CSMD3: variants seen among roughly 807,000 people sequenced by gnomAD.
The protein encoded by CSMD3 is CUB and Sushi multiple domains 3, also known as CUB and sushi domain-containing protein 3.
Under a neutral mutation model 435.2 loss-of-function variants are expected in CSMD3, and 177 were observed. That is an observed-to-expected ratio of 0.41 (90% CI 0.36 to 0.46). CSMD3 has a LOEUF of 0.46. Ranked by LOEUF, CSMD3 falls within the 20% of genes least tolerant of loss-of-function variation. The probability of loss-of-function intolerance (pLI) is 0.34; values close to 1 mark genes in which losing one functional copy is unlikely to be tolerated. For missense variants in CSMD3, 4,265 were observed against 4,504.6 expected (o/e 0.95, Z 1.52); for synonymous variants, 1,656 against 1,520.5 (o/e 1.09, Z -2.07).
intron 3 of CSMD3, among the ~76,000 whole-genome samples, chr8:113,262,778 G>A (rs1393047400): frequency 6.6e-6 from 1 of 151,986 alleles, no homozygotes; most frequent in Non-Finnish European, 1.5e-5. Context: ...AACTCTATCA[G>A]CAATCAGTAT....
intron 9 of CSMD3, among the ~76,000 whole-genome samples, chr8:112,924,294 T>G (rs1431053581): frequency 6.6e-6 from 1 of 152,182 alleles, no homozygotes; most frequent in Non-Finnish European, 1.5e-5. Context: ...GGAGATGTTA[T>G]GATGGCAACA....
intron 4 of CSMD3, among the ~76,000 whole-genome samples, chr8:113,099,803 A>G (rs2090277649): frequency 6.6e-6 from 1 of 152,084 alleles, no homozygotes; most frequent in Admixed American, 6.6e-5. Flanking sequence ...TCATAAAGGA[A>G]TTGAAGCTGG....
chr8:113,108,450 T>C (rs1003723310), intron 4 of CSMD3, among the ~76,000 whole-genome samples: 1 of 151,354 alleles, frequency 6.6e-6, no homozygotes, highest in Non-Finnish European at 1.5e-5. Flanking sequence ...AGGTTATGTA[T>C]GTTGCAGGTC....
At chr8:113,436,284 C>T (rs1219132491) in intron 1 of CSMD3, among the ~76,000 whole-genome samples, 2 of 152,128 alleles carry the variant, frequency 1.3e-5, no homozygotes, top group Admixed American at 1.3e-4. Context: ...GCATTTAGAC[C>T]AGCGTCTTTA....
At chr8:112,596,332 T>C (rs574611227) in intron 22 of CSMD3, among the ~76,000 whole-genome samples, 28 of 152,232 alleles carry the variant, frequency 1.8e-4, no homozygotes, top group Admixed American at 1.8e-3. Flanking sequence ...AAAATATATA[T>C]GCACCCAATA....
At chr8:112,916,500 C>T (rs1268767243) in intron 10 of CSMD3, among the ~76,000 whole-genome samples, 1 of 151,836 alleles carries the variant, frequency 6.6e-6, no homozygotes, top group East Asian at 1.9e-4. Flanking sequence ...GTGTGATAAA[C>T]TTCCATATCT....
chr8:113,036,844 T>C (rs12541754), intron 5 of CSMD3, among the ~76,000 whole-genome samples: 7,444 of 152,170 alleles, frequency 0.049, 274 homozygotes, highest in Admixed American at 0.094. Flanking sequence ...GTTAGAACTT[T>C]CAAAAATTCC....
intron 32 of CSMD3, among the ~76,000 whole-genome samples, chr8:112,429,474 T>C (rs1376839015): frequency 6.6e-6 from 1 of 152,082 alleles, no homozygotes; most frequent in African/African-American, 2.4e-5. Flanking sequence ...AACTGTGGTC[T>C]AGCATGAAAG....
chr8:113,116,344 C>A (rs1228049848), intron 4 of CSMD3, among the ~76,000 whole-genome samples: 1 of 152,102 alleles, frequency 6.6e-6, no homozygotes, highest in East Asian at 1.9e-4. Context: ...TATGCCTTCG[C>A]TCGATTCTCA....
chr8:113,173,196 T>C (rs1477193513), intron 4 of CSMD3, among the ~76,000 whole-genome samples: 1 of 152,202 alleles, frequency 6.6e-6, no homozygotes, highest in Non-Finnish European at 1.5e-5. Flanking sequence ...TAACTATGCA[T>C]ATAGAGATAT....
intron 17 of CSMD3, among the ~76,000 whole-genome samples, chr8:112,663,279 A>T (rs1054337461): frequency 6.6e-6 from 1 of 152,122 alleles, no homozygotes; most frequent in Admixed American, 6.5e-5. Context: ...TATGTAGCAC[A>T]TATACACCAT....
intron 65 of CSMD3, among the ~76,000 whole-genome samples, chr8:112,243,292 C>T (rs2130089756): frequency 6.6e-6 from 1 of 151,520 alleles, no homozygotes; most frequent in South Asian, 2.1e-4. Context: ...AAAATGAAAA[C>T]ATTTCAAGTA....
intron 5 of CSMD3, among the ~76,000 whole-genome samples, chr8:113,043,693 A>C (rs1185466440): frequency 2.0e-5 from 3 of 152,162 alleles, no homozygotes; most frequent in Non-Finnish European, 4.4e-5. Flanking sequence ...TGAAAGTCTG[A>C]ACCCATAAAA....
chr8:113,379,356 A>T lies in CSMD3; in HGVS notation c.178+57321T>A, dbSNP rs952934213. On this transcript the variant is annotated intron_variant, in intron 1 of 70. Coordinates refer to ENST00000297405, the MANE Select transcript of CSMD3 (RefSeq NM_198123.2). ...ACATAATAGTATAAAATAAAACTAA[A>T]TACAACAGTTCCAGTAAGGAAGATA... Among the ~76,000 whole-genome samples, 11 of 152,340 alleles carry T rather than the reference A, an allele frequency of 7.2e-5. No individual in the cohort carries two copies. The East Asian group carries it at 2.1e-3, about 29-fold the overall frequency.
chr8:113,295,116 A>ACC (rs1317719542), intron 2 of CSMD3, among the ~76,000 whole-genome samples: 1 of 152,176 alleles, frequency 6.6e-6, no homozygotes, highest in Non-Finnish European at 1.5e-5. Flanking sequence ...AATAAGCCAT[A>ACC]ATCACATCAT....
chr8:112,808,726 G>A (rs1022811733), intron 12 of CSMD3, among the ~76,000 whole-genome samples: 2 of 152,012 alleles, frequency 1.3e-5, no homozygotes, highest in Non-Finnish European at 2.9e-5. Context: ...ACTTCTGTAA[G>A]ATTGCTTCAG....
intron 22 of CSMD3, among the ~76,000 whole-genome samples, chr8:112,600,601 C>T (rs1019291143): frequency 2.6e-5 from 4 of 152,154 alleles, no homozygotes; most frequent in Admixed American, 6.5e-5. Context: ...TTTAGTCAAA[C>T]GGTCAAACCA....
intron 45 of CSMD3, among the ~76,000 whole-genome samples, chr8:112,323,085 A>G (rs1208650940): frequency 6.6e-6 from 1 of 152,014 alleles, no homozygotes; most frequent in Non-Finnish European, 1.5e-5. Flanking sequence ...ATCTGGTTAA[A>G]ATGCTTTTCA....
Position 112,408,344 on chromosome 8 carries a change from G to A in CSMD3, c.5579C>T (p.Ala1860Val). 1 of 1,609,066 alleles carries A rather than the reference G, an allele frequency of 6.2e-7. No individual in the cohort carries two copies. The highest frequency in any genetic ancestry group is 8.5e-7 in the Non-Finnish European group (1 of 1,175,810). ...TTGGTAAACAAAGTGAAATCCCTTAGCTGTTATTGGTCCAACTGAAGTAAA... is the reference window on the plus strand; with the variant it reads ...TTGGTAAACAAAGTGAAATCCCTTAACTGTTATTGGTCCAACTGAAGTAAA... The part of the protein sequence containing the change: ...IRFTSVGPIT[A>V]KGFHFVYQAV... The change falls in exon 34 of 71, where the codon GCT becomes GTT. Residue 1860 changes from alanine (A) to valine (V), a missense_variant. Transcript: ENST00000297405.
Sources: gnomAD v4.1 joint callset for allele counts (sites outside exome capture counted in the v4.1 genomes callset) on GRCh38, gnomAD v4.1.1 for gene constraint, MANE v1.5 for transcripts, NCBI Gene and HGNC (gene_info 2026-07-23, HGNC 2026-07-21) for gene names.